Variants in XCL1 observed in about 807,000 individuals in gnomAD.
XCL1 encodes lymphotactin.
A neutral mutation model predicts 7.4 loss-of-function variants in XCL1; 6 were observed. The ratio of observed to expected loss-of-function variants is 0.82; its 90% CI spans 0.45 to 1.61. The LOEUF (loss-of-function observed/expected upper bound fraction) is 1.61, where lower values mean the gene tolerates loss of function less well. XCL1 is among the 40% of genes most tolerant of loss of function. The pLI is 0.01. For missense variants in XCL1, 122 were observed against 138.2 expected (o/e 0.88, Z 0.59); for synonymous variants, 48 against 52.4 (o/e 0.92, Z 0.36).
At chr1:168,581,012 G>A (rs769947430) in intron 2 of XCL1, 40 bp from the exon 3 acceptor site, 1 of 1,606,282 alleles carries the variant, frequency 6.2e-7, no homozygotes, top group Non-Finnish European at 8.5e-7. Context: ...GAGGCTTTGA[G>A]AATGTGGCTA....
Position 168,581,448 on chromosome 1 carries a change from G to A in XCL1, c.*228G>A, listed in dbSNP as rs1655171098. On this transcript the variant is annotated 3_prime_UTR_variant, in exon 3 of 3. Coordinates refer to ENST00000367818, the MANE Select transcript of XCL1 (RefSeq NM_002995.3). ...TTCATTATATTTAGGGAAAGGTAGT[G>A]TATCATTGTTGTTTGATTTCTGACC... 7.2e-6 allele frequency: 3 copies of A among 415,420 alleles called. No individual in the cohort carries two copies. Among genetic ancestry groups the A allele is most frequent in the East Asian group, 4.6e-5 (1 of 21,570 alleles). 25.7% of individuals were successfully genotyped at this position (415,420 alleles called of 1,614,324 possible). A position where few individuals can be genotyped will look rare whatever the true frequency, so the allele number is the denominator to read the frequency against.
rs1243520754 is a variant in XCL1 at position 168,581,388 on chromosome 1, A to C, written c.*168A>C. ...TATTCACTTATATGTTCTAATTAAT[A>C]AATTATTTATTATTAAGAATAGTTC... On this transcript the variant is annotated 3_prime_UTR_variant, in exon 3 of 3. Transcript: ENST00000367818. The C allele has an allele frequency of 6.7e-6, 5 of 745,950 alleles. No homozygotes were observed. Among genetic ancestry groups the C allele is most frequent in the Non-Finnish European group, 9.8e-6 (5 of 508,766 alleles). 46.2% of individuals were successfully genotyped at this position (745,950 alleles called of 1,614,324 possible). A position where few individuals can be genotyped will look rare whatever the true frequency, so the allele number is the denominator to read the frequency against.
intron 1 of XCL1, among the ~76,000 whole-genome samples, chr1:168,577,616 G>T (rs1223942713): frequency 6.6e-6 from 1 of 152,070 alleles, no homozygotes; most frequent in Non-Finnish European, 1.5e-5. Flanking sequence ...GTCCCCAAGG[G>T]GTTCCATGAA....
In XCL1 at chr1:168,580,906, A is replaced by G. The variant is rs74120958; in HGVS notation, c.177-146A>G. The G allele has an allele frequency of 0.012, 14,182 of 1,165,294 alleles. 1,160 individuals carry two copies. In the African/African-American group the frequency reaches 0.2, roughly 16 times the overall value. The allele number at this position is 1,165,294 out of a possible 1,614,324, so 72.2% of individuals were successfully genotyped here. On this transcript the variant is annotated intron_variant, in intron 2 of 2. Coordinates refer to ENST00000367818, the MANE Select transcript of XCL1 (RefSeq NM_002995.3). ...TTAAAATAGATGGCAGAAGAAGGGT[A>G]CTCATTTATGATCTCATGGCTCTGA... is the stretch of plus-strand genomic sequence containing the variant.
chr1:168,577,146 T>C (rs1329375899), intron 1 of XCL1, among the ~76,000 whole-genome samples: 1 of 152,312 alleles, frequency 6.6e-6, no homozygotes, highest in South Asian at 2.1e-4. Flanking sequence ...ATTTAATATA[T>C]AGTTTGATAA....
intron 1 of XCL1, chr1:168,579,452 GAC>G: frequency 5.5e-6 from 1 of 181,080 alleles, no homozygotes; most frequent in African/African-American, 2.4e-5. Context: ...TTAGGCAGCT[GAC>G]AGAGAGAGAC....
At chr1:168,579,491 C>G in intron 1 of XCL1, 1 of 178,570 alleles carries the variant, frequency 5.6e-6, no homozygotes, top group Non-Finnish European at 1.2e-5. Flanking sequence ...AGGAGAACAC[C>G]TTTATTTAGT....
chr1:168,580,377 T>G (rs1415480866), intron 2 of XCL1, among the ~76,000 whole-genome samples, 200 bp downstream of exon 2: 3 of 152,236 alleles, frequency 2.0e-5, no homozygotes, highest in Non-Finnish European at 2.9e-5. Context: ...GAAATTGGGC[T>G]GCCAAAGAAA....
intron 1 of XCL1, chr1:168,578,972 A>G: frequency 2.5e-6 from 1 of 395,880 alleles, no homozygotes; most frequent in Non-Finnish European, 5.0e-6. Context: ...GTGCAATACC[A>G]GCTGAGCCTT....
chr1:168,580,257 T>G, intron 2 of XCL1, 80 bp downstream of exon 2: 1 of 1,474,802 alleles, frequency 6.8e-7, no homozygotes. Context: ...GCTGCCGTCC[T>G]CAGGAAAAGT....
intron 1 of XCL1, among the ~76,000 whole-genome samples, chr1:168,577,339 C>G (rs1356073357): frequency 6.6e-6 from 1 of 152,084 alleles, no homozygotes; most frequent in Non-Finnish European, 1.5e-5. Context: ...AATGCCATGA[C>G]TATTACTATT....
Position 168,581,287 on chromosome 1 carries a change from G to A in XCL1, c.*67G>A, listed in dbSNP as rs953393101. The stretch of plus-strand genomic sequence containing the variant: ...TTCACTTTACACGCTCATGGACTGA[G>A]TTTATACTCACCTTTTATGAAAGCA... On this transcript the variant is annotated 3_prime_UTR_variant, in exon 3 of 3. Coordinates refer to ENST00000367818, the MANE Select transcript of XCL1 (RefSeq NM_002995.3). 8 of 1,556,646 alleles carry A rather than the reference G, an allele frequency of 5.1e-6. No homozygotes were observed. The highest frequency in any genetic ancestry group is 6.1e-6 in the Non-Finnish European group (7 of 1,148,946).
intron 1 of XCL1, among the ~76,000 whole-genome samples, chr1:168,577,362 T>C (rs1655047846): frequency 1.3e-5 from 2 of 152,172 alleles, no homozygotes; most frequent in South Asian, 4.2e-4. Context: ...TGAGAAATTT[T>C]CTGTTTTTGT....
At chr1:168,578,739 A>G (rs560069227) in intron 1 of XCL1, 1 of 423,252 alleles carries the variant, frequency 2.4e-6, no homozygotes, top group South Asian at 1.9e-5. Context: ...GACATTGCAG[A>G]TCTCATCATA....
At chr1:168,578,160 A>C (rs1279882693) in intron 1 of XCL1, among the ~76,000 whole-genome samples, 1 of 152,208 alleles carries the variant, frequency 6.6e-6, no homozygotes, top group African/African-American at 2.4e-5. Flanking sequence ...GAAACAATTC[A>C]CCACTAAAAA....
At chr1:168,578,433 A>C (rs1006949380) in intron 1 of XCL1, among the ~76,000 whole-genome samples, 1 of 152,160 alleles carries the variant, frequency 6.6e-6, no homozygotes, top group African/African-American at 2.4e-5. Flanking sequence ...ATTAGATTTC[A>C]CCCAACCCTT....
At chr1:168,580,644 T>G (rs927533629) in intron 2 of XCL1, among the ~76,000 whole-genome samples, 1 of 152,178 alleles carries the variant, frequency 6.6e-6, no homozygotes, top group Non-Finnish European at 1.5e-5. Flanking sequence ...GTAATAACTC[T>G]TCTCAACATG....
intron 1 of XCL1, among the ~76,000 whole-genome samples, chr1:168,578,486 A>T (rs1237041819): frequency 6.6e-6 from 1 of 152,222 alleles, no homozygotes; most frequent in African/African-American, 2.4e-5. Flanking sequence ...CTTGCAATGT[A>T]AGATGATTCT....
intron 1 of XCL1, chr1:168,578,970 C>T: frequency 2.5e-6 from 1 of 393,260 alleles, no homozygotes; most frequent in East Asian, 6.9e-5. Context: ...ATGTGCAATA[C>T]CAGCTGAGCC....
Sources: gnomAD v4.1 joint callset for allele counts (sites outside exome capture counted in the v4.1 genomes callset) on GRCh38, gnomAD v4.1.1 for gene constraint, MANE v1.5 for transcripts, NCBI Gene and HGNC (gene_info 2026-07-23, HGNC 2026-07-21) for gene names.